Variants in MACROD2 observed in about 807,000 individuals in gnomAD.
MACROD2 encodes mono-ADP ribosylhydrolase 2, also known as ADP-ribose glycohydrolase MACROD2.
In MACROD2, 36 loss-of-function variants were observed where a neutral mutation model predicts 70.4. The ratio of observed to expected loss-of-function variants is 0.51; its 90% CI spans 0.39 to 0.68. The LOEUF (loss-of-function observed/expected upper bound fraction) is 0.68. Ranked by LOEUF, MACROD2 falls within the 30% of genes least tolerant of loss-of-function variation. The pLI, the probability that MACROD2 is intolerant of heterozygous loss-of-function variation, is 0.00. For synonymous variants in MACROD2, 172 were observed against 178.8 expected, an observed-to-expected ratio of 0.96 and a Z score of 0.30; for missense variants, 496 against 538.4, an observed-to-expected ratio of 0.92 and a Z score of 0.78.
chr20:14,978,586 A>G (rs1280617563), intron 5 of MACROD2, among the ~76,000 whole-genome samples: 2 of 151,682 alleles, frequency 1.3e-5, no homozygotes, highest in East Asian at 3.9e-4. Flanking sequence ...ATGTGACCTT[A>G]AAAGGTTATT....
chr20:14,964,146 T>C (rs919063606), intron 5 of MACROD2, among the ~76,000 whole-genome samples: 8 of 152,174 alleles, frequency 5.3e-5, no homozygotes, highest in African/African-American at 1.9e-4. Flanking sequence ...CAATGAAATA[T>C]AAATGGTATG....
intron 5 of MACROD2, among the ~76,000 whole-genome samples, chr20:15,162,576 T>C (rs2076356251): frequency 6.6e-6 from 1 of 152,130 alleles, no homozygotes; most frequent in African/African-American, 2.4e-5. Flanking sequence ...TTCTGTGGCT[T>C]TGTGGTTCAA....
intron 3 of MACROD2, among the ~76,000 whole-genome samples, chr20:14,212,157 C>G (rs559260246): frequency 6.6e-6 from 1 of 152,146 alleles, no homozygotes; most frequent in South Asian, 2.1e-4. Context: ...AGGAATTTTA[C>G]TGTATTTTAT....
At chr20:16,045,634 T>C (rs2067369308) in intron 17 of MACROD2, among the ~76,000 whole-genome samples, 1 of 152,068 alleles carries the variant, frequency 6.6e-6, no homozygotes. Flanking sequence ...ATTGCTCCTA[T>C]AAATCTTTAA....
intron 9 of MACROD2, among the ~76,000 whole-genome samples, chr20:15,884,612 G>A (rs533597269): frequency 1.6e-4 from 25 of 152,122 alleles, no homozygotes; most frequent in African/African-American, 6.0e-4. Flanking sequence ...AAAGAGAGGA[G>A]CAGTTAGGAA....
chr20:15,308,423 T>G (rs6131659), intron 6 of MACROD2, among the ~76,000 whole-genome samples: 1 of 152,266 alleles, frequency 6.6e-6, no homozygotes, highest in Admixed American at 6.5e-5. Context: ...TATTTAACTT[T>G]GCAAGGTCTA....
chr20:15,575,636 T>G (rs1248759351), intron 8 of MACROD2, among the ~76,000 whole-genome samples: 1 of 152,136 alleles, frequency 6.6e-6, no homozygotes, highest in Non-Finnish European at 1.5e-5. Flanking sequence ...GCATTTGTAA[T>G]ATGTGTTTTT....
intron 8 of MACROD2, among the ~76,000 whole-genome samples, chr20:15,568,726 C>A (rs2048340922): frequency 6.6e-6 from 1 of 152,174 alleles, no homozygotes; most frequent in African/African-American, 2.4e-5. Flanking sequence ...TGTGCTCCTA[C>A]AATGATGTTT....
chr20:15,026,505 A>G (rs980043182), intron 5 of MACROD2, among the ~76,000 whole-genome samples: 16 of 150,506 alleles, frequency 1.1e-4, no homozygotes, highest in Non-Finnish European at 1.5e-5. Flanking sequence ...AATAATATAT[A>G]TAAATATATT....
intron 5 of MACROD2, among the ~76,000 whole-genome samples, chr20:14,912,153 C>T (rs2074035502): frequency 6.6e-6 from 1 of 152,146 alleles, no homozygotes; most frequent in Admixed American, 6.5e-5. Context: ...GATTACTCTT[C>T]CTGCACTTGT....
At chr20:15,355,578 T>C (rs1314942319) in intron 6 of MACROD2, among the ~76,000 whole-genome samples, 2 of 152,188 alleles carry the variant, frequency 1.3e-5, no homozygotes, top group East Asian at 3.9e-4. Context: ...GGCCACATGA[T>C]TAAACTCAAT....
intron 4 of MACROD2, among the ~76,000 whole-genome samples, chr20:14,615,916 G>C (rs1276308422): frequency 6.6e-6 from 1 of 152,078 alleles, no homozygotes; most frequent in East Asian, 1.9e-4. Flanking sequence ...CAGACAAAAT[G>C]TTTCTATGTA....
At chr20:14,851,268 C>T (rs944678773) in intron 5 of MACROD2, among the ~76,000 whole-genome samples, 1 of 151,918 alleles carries the variant, frequency 6.6e-6, no homozygotes, top group Admixed American at 6.6e-5. Context: ...GGCTGGACAC[C>T]ACATAACAAA....
intron 8 of MACROD2, among the ~76,000 whole-genome samples, chr20:15,722,262 A>G (rs1997799): frequency 0.9 from 137,585 of 152,136 alleles, 62,376 homozygotes; most frequent in Middle Eastern, 0.94. Flanking sequence ...GCTTATGAGT[A>G]GAATTCCCAG....
intron 5 of MACROD2, 55 bp from the exon 6 acceptor site, chr20:15,229,885 A>G (rs2076944552): frequency 6.5e-7 from 1 of 1,537,084 alleles, no homozygotes; most frequent in Non-Finnish European, 8.7e-7. Context: ...TAATTATGTA[A>G]AAAAAGTGAA....
chr20:15,888,827 G>A (rs938909124), intron 10 of MACROD2, among the ~76,000 whole-genome samples: 1 of 152,066 alleles, frequency 6.6e-6, no homozygotes, highest in African/African-American at 2.4e-5. Context: ...GGTTCCAGCT[G>A]GCCTCACCAG....
At chr20:14,267,530 A>G (rs770445697) in intron 3 of MACROD2, among the ~76,000 whole-genome samples, 13 of 152,112 alleles carry the variant, frequency 8.5e-5, no homozygotes, top group Non-Finnish European at 1.8e-4. Context: ...GATATTCTCT[A>G]TTTTAAATTT....
At chr20:14,386,731 A>G (rs181336053) in intron 3 of MACROD2, among the ~76,000 whole-genome samples, 1 of 152,304 alleles carries the variant, frequency 6.6e-6, no homozygotes, top group Admixed American at 6.5e-5. Context: ...ATGCTTCCTG[A>G]ACAGCCTGCA....
intron 5 of MACROD2, among the ~76,000 whole-genome samples, chr20:14,984,205 A>T (rs984084907): frequency 6.6e-6 from 1 of 152,170 alleles, no homozygotes; most frequent in African/African-American, 2.4e-5. Flanking sequence ...CTTAAAGATT[A>T]ATTTAATCTA....
Sources: allele counts gnomAD v4.1 joint callset (sites outside exome capture counted in the v4.1 genomes callset), GRCh38; gene constraint gnomAD v4.1.1; transcripts MANE v1.5; gene names NCBI Gene and HGNC (gene_info 2026-07-23, HGNC 2026-07-21).